Variants in CARD8 observed in about 807,000 individuals in gnomAD.
CARD8 encodes the protein caspase recruitment domain-containing protein 8.
A neutral mutation model predicts 53.2 loss-of-function variants in CARD8; 38 were observed. The observed-to-expected ratio is 0.71, with a 90% CI of 0.55 to 0.94. CARD8 has a LOEUF of 0.94. CARD8 is among the 40% of genes least tolerant of loss of function. CARD8 has a pLI of 0.00. For missense variants in CARD8, 561 were observed against 655.5 expected (o/e 0.86, Z 1.57); for synonymous variants, 245 against 244.9 (o/e 1.00, Z 0.00).
chr19:48,215,308 A>ACC (rs748419287), intron 13 of CARD8, 32 bp downstream of exon 13: 1 of 1,544,536 alleles, frequency 6.5e-7, no homozygotes, highest in Admixed American at 1.7e-5. Context: ...TCTCATACAT[A>ACC]CCCTTGGCTT....
chr19:48,253,796 T>G lies in CARD8; in HGVS notation c.-252+1996A>C, dbSNP rs1413087111. ...ATGTATATAGTATACACGGGTAGAATGATAAACAGATATAGAATAATCCTC... is the reference window on the plus strand; with the variant it reads ...ATGTATATAGTATACACGGGTAGAAGGATAAACAGATATAGAATAATCCTC... On this transcript the variant is annotated intron_variant, in intron 1 of 13. Transcript: ENST00000651546. Among the ~76,000 whole-genome samples, 6 of 152,204 alleles carry G rather than the reference T, an allele frequency of 3.9e-5. No homozygotes were observed. The East Asian group carries it at 1.2e-3, about 29-fold the overall frequency.
In CARD8 at chr19:48,230,569, G is replaced by T; in HGVS notation, c.904C>A (p.Leu302Met). The T allele has an allele frequency of 1.2e-6, 2 of 1,614,170 alleles. No individual in the cohort carries two copies. Among genetic ancestry groups the T allele is most frequent in the Non-Finnish European group, 1.7e-6 (2 of 1,180,032 alleles). Reference protein sequence around the residue: ...ESPSFSLMGILLRIASGTRLS... With the variant: ...ESPSFSLMGIMLRIASGTRLS... Reference sequence around the variant, plus strand: ...CGAGTCCCACTGGCGATCCGCAGCAGGATGCCCATCAGAGAGAAGCTGGGG... The same window carrying T: ...CGAGTCCCACTGGCGATCCGCAGCATGATGCCCATCAGAGAGAAGCTGGGG... The change falls in exon 10 of 14, where the codon CTG (leucine) becomes ATG (methionine). Residue 302 changes from leucine to methionine, a missense_variant. Physicochemically the swap from Leu to Met is conservative, Grantham distance 15. Coordinates refer to ENST00000651546, the MANE Select transcript of CARD8 (RefSeq NM_001184900.3).
At position 48,212,430 on chromosome 19, in the gene CARD8, A is replaced by T. The variant is rs575821473; in HGVS notation, c.1349-455T>A. 2.6e-5 allele frequency among the ~76,000 whole-genome samples: 4 copies of T among 152,378 alleles called. No homozygotes were observed. In the South Asian group the frequency reaches 6.2e-4, roughly 24 times the overall value. ...GCAGAGCTATGAAAGAAGAGATTTAACTGGAGACATACAATGCATAGAAAA... is the reference window on the plus strand; with the variant it reads ...GCAGAGCTATGAAAGAAGAGATTTATCTGGAGACATACAATGCATAGAAAA... On this transcript the variant is annotated intron_variant, in intron 13 of 13. Transcript: ENST00000651546.
chr19:48,214,669 C>T (rs2038829118), intron 13 of CARD8, among the ~76,000 whole-genome samples: 1 of 151,838 alleles, frequency 6.6e-6, no homozygotes, highest in Admixed American at 6.6e-5. Flanking sequence ...ACATATTAAA[C>T]CCCAAGTCAA....
chr19:48,206,910 G>C (rs190911509), downstream of CARD8, among the ~76,000 whole-genome samples: 1 of 152,110 alleles, frequency 6.6e-6, no homozygotes, highest in African/African-American at 2.4e-5. Context: ...GACAAGTGTG[G>C]AGGCTTTCCT....
At chr19:48,255,370 G>GA (rs911346260) in intron 1 of CARD8, among the ~76,000 whole-genome samples, 2 of 150,020 alleles carry the variant, frequency 1.3e-5, no homozygotes, top group African/African-American at 2.4e-5. Flanking sequence ...ATCTCAAAAA[G>GA]AAAAAAAAAT....
intron 7 of CARD8, chr19:48,232,076 T>TG (rs1399402650): frequency 1.8e-6 from 1 of 570,412 alleles, no homozygotes; most frequent in Non-Finnish European, 3.2e-6. Context: ...AGGCACCATT[T>TG]GCTGAGGACT....
At chr19:48,217,616 C>CG (rs2039596798) in intron 12 of CARD8, among the ~76,000 whole-genome samples, 1 of 50,622 alleles carries the variant, frequency 2.0e-5, no homozygotes, top group Non-Finnish European at 8.4e-5. Context: ...AGCTCCTATG[C>CG]AAATGTTAAT....
At chr19:48,207,738 T>TC (rs1568595650), downstream of CARD8, among the ~76,000 whole-genome samples, 1 of 90,654 alleles carries the variant, frequency 1.1e-5, no homozygotes, top group East Asian at 3.5e-4. Context: ...TTTTCTGTTT[T>TC]TTTTTTTTTT....
intron 3 of CARD8, among the ~76,000 whole-genome samples, chr19:48,241,784 C>T (rs559073327): frequency 1.1e-4 from 16 of 152,236 alleles, no homozygotes; most frequent in African/African-American, 2.6e-4. Flanking sequence ...TTACCTTCAC[C>T]GGCTCTGCTA....
chr19:48,207,189 G>GAA (rs56859690), downstream of CARD8, among the ~76,000 whole-genome samples: 187 of 132,242 alleles, frequency 1.4e-3, 1 homozygote, highest in Non-Finnish European at 1.9e-3. Flanking sequence ...GAAAAGAAAA[G>GAA]AAAAAAAAAA....
chr19:48,206,811 A>G (rs1239146989), downstream of CARD8, among the ~76,000 whole-genome samples: 3 of 152,282 alleles, frequency 2.0e-5, no homozygotes, highest in South Asian at 6.2e-4. Context: ...TCCACACACC[A>G]AGAACCCTAA....
Position 48,214,525 on chromosome 19 carries a change from A to C in CARD8, c.1348+815T>G, listed in dbSNP as rs541287087. Among the ~76,000 whole-genome samples, 51 of 152,252 alleles carry C rather than the reference A, an allele frequency of 3.3e-4. 1 individual carries two copies. The highest frequency in any genetic ancestry group is 6.3e-4 in the Non-Finnish European group (43 of 68,012). Reference sequence around the variant, plus strand: ...TGGTAAGGGAAGAATGCCTCAAGTGAGCATGCGTATGACTCCAAGAAACAC... The same window carrying C: ...TGGTAAGGGAAGAATGCCTCAAGTGCGCATGCGTATGACTCCAAGAAACAC... On this transcript the variant is annotated intron_variant, in intron 13 of 13. Coordinates refer to ENST00000651546, the MANE Select transcript of CARD8 (RefSeq NM_001184900.3).
intron 3 of CARD8, among the ~76,000 whole-genome samples, chr19:48,248,222 C>T (rs890856772): frequency 1.3e-5 from 2 of 152,120 alleles, no homozygotes; most frequent in Non-Finnish European, 2.9e-5. Flanking sequence ...ATCCCAGTCA[C>T]GCATGAAGTT....
intron 6 of CARD8, 25 bp from the exon 7 acceptor site, chr19:48,232,518 C>G: frequency 1.3e-6 from 2 of 1,531,220 alleles, no homozygotes; most frequent in Non-Finnish European, 1.8e-6. Context: ...CCCCATGTTA[C>G]AAAAAGATGA....
intron 3 of CARD8, among the ~76,000 whole-genome samples, chr19:48,248,764 CTAT>C (rs2046521552): frequency 6.6e-6 from 1 of 152,156 alleles, no homozygotes; most frequent in Non-Finnish European, 1.5e-5. Context: ...TTATGGTTTG[CTAT>C]CAGAAAACAG....
chr19:48,241,286 A>C (rs145972856), intron 3 of CARD8, among the ~76,000 whole-genome samples: 3 of 152,074 alleles, frequency 2.0e-5, no homozygotes, highest in Admixed American at 2.0e-4. Context: ...GATGGAGTCT[A>C]GCTCTGTCAC....
At chr19:48,245,222 T>C (rs1298989518) in intron 3 of CARD8, among the ~76,000 whole-genome samples, 1 of 152,192 alleles carries the variant, frequency 6.6e-6, no homozygotes, top group African/African-American at 2.4e-5. Flanking sequence ...ATCTTTTTTT[T>C]TCTTTGAGAC....
chr19:48,239,829 G>A, intron 4 of CARD8, among the ~76,000 whole-genome samples: 1 of 152,124 alleles, frequency 6.6e-6, no homozygotes. Context: ...CAATATAAAT[G>A]TATTTGTCAC....
Sources: gnomAD v4.1 joint callset for allele counts (sites outside exome capture counted in the v4.1 genomes callset) on GRCh38, gnomAD v4.1.1 for gene constraint, MANE v1.5 for transcripts, NCBI Gene and HGNC (gene_info 2026-07-23, HGNC 2026-07-21) for gene names.